The following RRM2 variants were observed in gnomAD, a reference collection of about 807,000 sequenced individuals.
RRM2 encodes the protein ribonucleoside-diphosphate reductase subunit M2.
A neutral mutation model predicts 45.9 loss-of-function variants in RRM2; 6 were observed. The observed-to-expected ratio is 0.13, with a 90% confidence interval of 0.07 to 0.26. The LOEUF (loss-of-function observed/expected upper bound fraction) is 0.26. RRM2 is among the 10% of genes least tolerant of loss of function. RRM2 has a pLI of 1.00. For missense variants in RRM2, 343 were observed against 489.5 expected (o/e 0.70, Z 2.82); for synonymous variants, 177 against 173.0 (o/e 1.02, Z -0.18).
At chr2:10,210,605 A>G in exon 4 of RRM2, 2 of 1,362,354 alleles carry the variant, frequency 1.5e-6, no homozygotes, top group South Asian at 2.3e-5. Flanking sequence ...TAGACAGCAG[A>G]TCTGCTGCTT....
chr2:10,199,779 CAAAAAAAAAAA>C (rs796262395), intron 3 of RRM2, among the ~76,000 whole-genome samples: 1 of 14,296 alleles, frequency 7.0e-5, no homozygotes, highest in Admixed American at 1.0e-3. Context: ...GACTCAGTCT[CAAAAAAAAAAA>C]AAAAAAAAAA....
intron 3 of RRM2, among the ~76,000 whole-genome samples, chr2:10,197,045 C>T (rs1664430227): frequency 6.6e-6 from 1 of 152,182 alleles, no homozygotes; most frequent in African/African-American, 2.4e-5. Flanking sequence ...CAGACAAGGC[C>T]CTACTCCAGG....
At chr2:10,128,776 C>G in intron 7 of RRM2, 72 bp from the exon 8 acceptor site, 1 of 1,107,284 alleles carries the variant, frequency 9.0e-7, no homozygotes, top group Non-Finnish European at 1.4e-6. Flanking sequence ...CAGAAAAGGA[C>G]AAAGTAATTT....
intron 3 of RRM2, among the ~76,000 whole-genome samples, chr2:10,184,048 G>A (rs1297610714): frequency 4.9e-5 from 6 of 121,220 alleles, no homozygotes; most frequent in East Asian, 5.9e-4. Flanking sequence ...AGCCAAGATC[G>A]CACCACTGCA....
Position 10,123,308 on chromosome 2 carries a change from G to A in RRM2, c.175-79G>A, listed in dbSNP as rs1453856695. ...CGGGCCCCGTGAAATTGCCGCCAAT[G>A]GAAAGGACTTGGTCCAGAAAAACGT... On this transcript the variant is annotated intron_variant, in intron 2 of 9. Coordinates refer to ENST00000304567, the MANE Select transcript of RRM2 (RefSeq NM_001034.4). 5 of 1,498,644 alleles carry A rather than the reference G, an allele frequency of 3.3e-6. No individual in the cohort carries two copies. In the Admixed American group the frequency reaches 1.1e-4, roughly 33 times the overall value. The allele number at this position is 1,498,644 out of a possible 1,614,324, so 92.8% of individuals were successfully genotyped here. A position where few individuals can be genotyped will look rare whatever the true frequency, so the allele number is the denominator to read the frequency against.
intron 3 of RRM2, among the ~76,000 whole-genome samples, chr2:10,152,499 T>A (rs1340326339): frequency 6.6e-6 from 1 of 151,516 alleles, no homozygotes; most frequent in Admixed American, 6.6e-5. Context: ...TTTAATTTTT[T>A]ATTTTTTGAG....
At position 10,172,893 on chromosome 2, in the gene RRM2, C is replaced by A. The variant is rs1169717817; in HGVS notation, n.482+30518C>A. On this transcript the variant is annotated intron_variant and non_coding_transcript_variant, in intron 3 of 3. Coordinates refer to the RRM2 transcript ENST00000381786. The surrounding 1 kb of genome is among the most constrained non-coding windows in gnomAD (Gnocchi z 4.9). ...ACGGATCCCATACCGGTGATGCCAACCCCCTGAGTCCCGGGGAACAGTGGC... is the reference window on the plus strand; with the variant it reads ...ACGGATCCCATACCGGTGATGCCAAACCCCTGAGTCCCGGGGAACAGTGGC... 6.6e-6 allele frequency among the ~76,000 whole-genome samples: 1 copy of A among 152,234 alleles called. No individual in the cohort carries two copies.
chr2:10,135,484 G>A (rs571260741), downstream of RRM2, among the ~76,000 whole-genome samples: 2 of 152,094 alleles, frequency 1.3e-5, no homozygotes, highest in African/African-American at 2.4e-5. Flanking sequence ...GGGCCCTGGT[G>A]GGGGAGGGGA....
Position 10,199,796 on chromosome 2 carries a change from A to AC in RRM2, n.483-10515_483-10514insC, listed in dbSNP as rs1388342522. On this transcript the variant is annotated intron_variant and non_coding_transcript_variant, in intron 3 of 3. Coordinates refer to the RRM2 transcript ENST00000381786. Reference sequence around the variant, plus strand: ...CTCAGTCTCAAAAAAAAAAAAAAAAAAAAAAAAAAAAAACAAATCATGGTA... The same window carrying AC: ...CTCAGTCTCAAAAAAAAAAAAAAAAACAAAAAAAAAAAAACAAATCATGGTA... Among the ~76,000 whole-genome samples the AC allele has an allele frequency of 6.7e-3, 1,007 of 149,850 alleles. 93 individuals are homozygous for AC. The highest frequency in any genetic ancestry group is 9.3e-3 in the Non-Finnish European group (625 of 67,512).
chr2:10,176,982 A>G (rs936104453), intron 3 of RRM2, among the ~76,000 whole-genome samples: 5 of 152,242 alleles, frequency 3.3e-5, no homozygotes, highest in Admixed American at 6.5e-5. Context: ...ACAGTGGCTC[A>G]TGCCGGTAAT....
At chr2:10,174,657 A>G (rs751990879) in intron 3 of RRM2, among the ~76,000 whole-genome samples, 1 of 151,794 alleles carries the variant, frequency 6.6e-6, no homozygotes, top group Non-Finnish European at 1.5e-5. Context: ...ACCTGAAGCC[A>G]GGAGTTCCAG....
intron 3 of RRM2, among the ~76,000 whole-genome samples, chr2:10,177,437 A>G (rs899601016): frequency 6.6e-6 from 1 of 152,162 alleles, no homozygotes; most frequent in African/African-American, 2.4e-5. Flanking sequence ...GATTCAGTGC[A>G]CCTTGTACCC....
chr2:10,196,672 C>T (rs997273104), intron 3 of RRM2, among the ~76,000 whole-genome samples: 5 of 152,190 alleles, frequency 3.3e-5, no homozygotes, highest in Admixed American at 2.6e-4. Context: ...AGCAGCCATC[C>T]GGAGGAGGGA....
At position 10,123,754 on chromosome 2, in the gene RRM2, A is replaced by C; in HGVS notation, c.337A>C (p.Ile113Leu). Reference protein sequence around the residue: ...TAEEVDLSKDIQHWESLKPEE... With the variant: ...TAEEVDLSKDLQHWESLKPEE... ...ACCTCAGGTGGACCTCTCCAAGGAC[A>C]TTCAGCACTGGGAATCCCTGAAACC... The change falls in exon 4 of 10, where the codon ATT becomes CTT. Residue 113 changes from isoleucine to leucine, a missense_variant. Ile to Leu is a conservative substitution (Grantham distance 5). This residue lies in a region of RRM2 where 212 missense variants were observed against 368.1 expected (regional missense o/e 0.58). Transcript: ENST00000304567. The C allele has an allele frequency of 6.2e-7, 1 of 1,607,884 alleles. No homozygotes were observed. Among genetic ancestry groups the C allele is most frequent in the Non-Finnish European group, 8.5e-7 (1 of 1,174,338 alleles).
chr2:10,174,485 G>A lies in RRM2; in HGVS notation n.482+32110G>A, dbSNP rs1398971935. On this transcript the variant is annotated intron_variant and non_coding_transcript_variant, in intron 3 of 3. Coordinates refer to the RRM2 transcript ENST00000381786. The stretch of plus-strand genomic sequence containing the variant: ...GCAGGCCCACAAGCGAGCGCCTATG[G>A]GGTGGAGTGAGAGTGAGGAAGAAAC... Among the ~76,000 whole-genome samples, 7 of 152,072 alleles carry A rather than the reference G, an allele frequency of 4.6e-5. No individual in the cohort carries two copies. In the South Asian group the frequency reaches 8.3e-4, roughly 18 times the overall value.
intron 3 of RRM2, among the ~76,000 whole-genome samples, chr2:10,158,806 G>A (rs972725072): frequency 5.9e-5 from 9 of 151,840 alleles, no homozygotes; most frequent in Non-Finnish European, 8.8e-5. Flanking sequence ...CTGGGGAACA[G>A]CTGGGTGCTT....
At chr2:10,164,100 G>GTGTT (rs569197595) in intron 3 of RRM2, among the ~76,000 whole-genome samples, 73 of 152,182 alleles carry the variant, frequency 4.8e-4, no homozygotes, top group Non-Finnish European at 7.5e-4. Flanking sequence ...GTGTGTGTGT[G>GTGTT]TGGCTGTGTT....
chr2:10,124,986 C>A, intron 5 of RRM2, 136 bp downstream of exon 5: 1 of 729,702 alleles, frequency 1.4e-6, no homozygotes, highest in Non-Finnish European at 2.2e-6. Context: ...CACCCGTGGT[C>A]ATGTCTGCTC....
chr2:10,178,442 C>T (rs948406939), intron 3 of RRM2, among the ~76,000 whole-genome samples: 3 of 151,408 alleles, frequency 2.0e-5, no homozygotes, highest in Non-Finnish European at 4.4e-5. Context: ...AGACTGGTCT[C>T]GAACTCCTGA....
Sources: gnomAD v4.1 joint callset for allele counts (sites outside exome capture counted in the v4.1 genomes callset) on GRCh38, gnomAD v4.1.1 for gene constraint, gnomAD v4.1.1 regional missense constraint, Gnocchi (gnomAD v3.1) non-coding constraint, MANE v1.5 for transcripts, NCBI Gene and HGNC (gene_info 2026-07-23, HGNC 2026-07-21) for gene names.